LARP4: variants seen among roughly 807,000 people sequenced by gnomAD.
LARP4 encodes the protein La ribonucleoprotein 4.
LARP4 carries 29 observed loss-of-function variants against 92.9 expected under a neutral mutation model. The observed-to-expected ratio is 0.31, with a 90% CI of 0.23 to 0.43. The LOEUF is 0.43. LARP4 is among the 20% of genes least tolerant of loss of function. The pLI is 1.00. For missense variants in LARP4, 732 were observed against 860.0 expected, an observed-to-expected ratio of 0.85 and a Z score of 1.86; for synonymous variants, 279 against 284.1, an observed-to-expected ratio of 0.98 and a Z score of 0.18.
chr12:50,420,152 C>T (rs1947489063), intron 1 of LARP4, among the ~76,000 whole-genome samples: 2 of 151,896 alleles, frequency 1.3e-5, no homozygotes. Context: ...AAAAGTTGAT[C>T]AGATAGATTT....
chr12:50,427,562 T>G (rs918911974), intron 1 of LARP4, among the ~76,000 whole-genome samples, 200 bp from the exon 2 acceptor site: 2 of 152,120 alleles, frequency 1.3e-5, no homozygotes, highest in Non-Finnish European at 2.9e-5. Flanking sequence ...TACCTATTTT[T>G]TATTATATAG....
At chr12:50,473,565 A>G (rs766911728) in intron 14 of LARP4, 29 bp downstream of exon 14, 1 of 1,597,506 alleles carries the variant, frequency 6.3e-7, no homozygotes, top group Non-Finnish European at 8.6e-7. Flanking sequence ...AAGATCTTCA[A>G]CATTAAATTA....
intron 1 of LARP4, chr12:50,401,339 TG>T: frequency 3.0e-6 from 1 of 328,288 alleles, no homozygotes; most frequent in Non-Finnish European, 5.7e-6. Flanking sequence ...GAGGCAGCAT[TG>T]GGGGGTTGGG....
chr12:50,471,854 A>G (rs990131052), intron 13 of LARP4, among the ~76,000 whole-genome samples: 1 of 152,148 alleles, frequency 6.6e-6, no homozygotes, highest in Non-Finnish European at 1.5e-5. Context: ...ACAGACTCAT[A>G]TATTTTTTTT....
intron 1 of LARP4, among the ~76,000 whole-genome samples, chr12:50,412,121 T>C (rs925968899): frequency 6.6e-6 from 1 of 152,244 alleles, no homozygotes; most frequent in African/African-American, 2.4e-5. Context: ...GAGATTGTTA[T>C]GAAGATTAAT....
chr12:50,438,959 A>G (rs954080018), intron 6 of LARP4, among the ~76,000 whole-genome samples: 2 of 152,186 alleles, frequency 1.3e-5, no homozygotes, highest in African/African-American at 4.8e-5. Flanking sequence ...ATTTTTTGAG[A>G]CAGGGTTTCA....
intron 13 of LARP4, among the ~76,000 whole-genome samples, chr12:50,467,935 C>T (rs1213671836): frequency 6.6e-6 from 1 of 151,730 alleles, no homozygotes; most frequent in Non-Finnish European, 1.5e-5. Context: ...ACTTTCAGCT[C>T]CTTAGTTTTT....
chr12:50,475,632 C>T lies in LARP4; in HGVS notation c.1943C>T (p.Pro648Leu), dbSNP rs1957466040. 3 of 1,613,926 alleles carry T rather than the reference C, an allele frequency of 1.9e-6. No individual in the cohort carries two copies. The highest frequency in any genetic ancestry group is 2.5e-6 in the Non-Finnish European group (3 of 1,180,026). ...GAACTTCGCTCCAATGTGGTGTCTC[C>T]CACCAAAAATGAAGACAATGGAGCT... Reference protein sequence around the residue: ...LRELRSNVVSPTKNEDNGAPE... With the variant: ...LRELRSNVVSLTKNEDNGAPE... The change falls in exon 16 of 16, where the codon CCC becomes CTC. Residue 648 changes from proline to leucine, a missense_variant. Physicochemically the swap from Pro to Leu is moderately conservative, Grantham distance 98. Transcript: ENST00000398473.
intron 4 of LARP4, among the ~76,000 whole-genome samples, chr12:50,430,963 C>G (rs1003519011): frequency 6.6e-6 from 1 of 152,154 alleles, no homozygotes; most frequent in Non-Finnish European, 1.5e-5. Flanking sequence ...CACTCGGCCC[C>G]TTGTCTAGAT....
At chr12:50,401,596 A>G (rs572901910) in intron 1 of LARP4, among the ~76,000 whole-genome samples, 2 of 152,316 alleles carry the variant, frequency 1.3e-5, no homozygotes, top group East Asian at 3.9e-4. Context: ...GTTACTTTGA[A>G]TCGAGGAGAA....
At chr12:50,421,319 T>A (rs1947750552) in intron 1 of LARP4, 1 of 977,630 alleles carries the variant, frequency 1.0e-6, no homozygotes, top group African/African-American at 1.8e-5. Context: ...TTAAGTTTCA[T>A]ATTTTTTTAT....
At chr12:50,470,220 CA>C (rs71083576) in intron 13 of LARP4, among the ~76,000 whole-genome samples, 146,156 of 147,748 alleles carry the variant, frequency 0.99, 72,301 homozygotes, top group Middle Eastern at 1. Context: ...CAACCTGTCT[CA>C]AAAAAAAAAA....
chr12:50,470,686 G>C (rs576170426), intron 13 of LARP4, among the ~76,000 whole-genome samples: 115 of 152,016 alleles, frequency 7.6e-4, no homozygotes, highest in African/African-American at 2.7e-3. Context: ...CACCGTGCCC[G>C]GCCATGTATG....
chr12:50,463,122 G>A (rs562962793), intron 12 of LARP4, among the ~76,000 whole-genome samples: 1 of 151,918 alleles, frequency 6.6e-6, no homozygotes, highest in African/African-American at 2.4e-5. Context: ...TCACATCCCA[G>A]GCTTAAGTGA....
rs201700635 is a variant in LARP4 at position 50,466,930 on chromosome 12, T to C, written c.1384-29T>C. On this transcript the variant is annotated intron_variant, in intron 12 of 15. Coordinates refer to ENST00000398473, the MANE Select transcript of LARP4 (RefSeq NM_052879.5). Reference sequence around the variant, plus strand: ...AGGATTAGGGAATGAGATAGCCATGTGACCTGTTTTATTATTTGTTCATTT... The same window carrying C: ...AGGATTAGGGAATGAGATAGCCATGCGACCTGTTTTATTATTTGTTCATTT... 3.5e-5 allele frequency: 55 copies of C among 1,590,696 alleles called. No individual in the cohort carries two copies. In the African/African-American group the frequency reaches 6.7e-4, roughly 19 times the overall value.
chr12:50,432,310 TAGGC>T (rs1949778438), intron 4 of LARP4, among the ~76,000 whole-genome samples: 1 of 152,196 alleles, frequency 6.6e-6, no homozygotes, highest in Non-Finnish European at 1.5e-5. Flanking sequence ...TTTTTTCTGT[TAGGC>T]AGAGAGTGAT....
intron 13 of LARP4, among the ~76,000 whole-genome samples, chr12:50,467,629 A>G (rs1956322287): frequency 6.6e-6 from 1 of 152,038 alleles, no homozygotes; most frequent in African/African-American, 2.4e-5. Context: ...TAGTCAATTC[A>G]GCCTGTTAGA....
chr12:50,468,220 C>T (rs761483286), intron 13 of LARP4, among the ~76,000 whole-genome samples: 3 of 152,006 alleles, frequency 2.0e-5, no homozygotes, highest in Non-Finnish European at 2.9e-5. Context: ...CCTTGCGATC[C>T]GCCCACCTCG....
At chr12:50,472,377 A>T (rs1957025697) in intron 13 of LARP4, among the ~76,000 whole-genome samples, 1 of 152,196 alleles carries the variant, frequency 6.6e-6, no homozygotes, top group South Asian at 2.1e-4. Context: ...TCTGTCTCTG[A>T]ATTGACTACT....
Sources: allele counts gnomAD v4.1 joint callset (sites outside exome capture counted in the v4.1 genomes callset), GRCh38; gene constraint gnomAD v4.1.1; transcripts MANE v1.5; gene names NCBI Gene and HGNC (gene_info 2026-07-23, HGNC 2026-07-21).